The following ZNF521 variants were observed in gnomAD, a reference collection of about 807,000 sequenced individuals.
ZNF521 encodes zinc finger protein 521.
In ZNF521, 14 loss-of-function variants were observed where a neutral mutation model predicts 105.5. The ratio of observed to expected loss-of-function variants is 0.13; its 90% confidence interval spans 0.09 to 0.21. The LOEUF (loss-of-function observed/expected upper bound fraction) is 0.21. Among genes scored for constraint, ZNF521 ranks in the 10% least tolerant of loss-of-function variants. The pLI, the probability that ZNF521 is intolerant of heterozygous loss-of-function variation, is 1.00. For missense variants in ZNF521, 1,233 were observed against 1,629.7 expected (o/e 0.76, Z 4.19); for synonymous variants, 635 against 606.0 (o/e 1.05, Z -0.70).
chr18:25,138,717 C>T (rs2034783724), intron 5 of ZNF521, among the ~76,000 whole-genome samples: 1 of 152,170 alleles, frequency 6.6e-6, no homozygotes, highest in Admixed American at 6.6e-5. Context: ...GCCTTAAAGA[C>T]CATTTCATTC....
chr18:25,343,546 A>C (rs1341093505), intron 2 of ZNF521, among the ~76,000 whole-genome samples: 1 of 152,242 alleles, frequency 6.6e-6, no homozygotes, highest in African/African-American at 2.4e-5. Context: ...TATAAATCCA[A>C]CAAACTGCAC....
rs115526711 is a variant in ZNF521 at position 25,225,095 on chromosome 18, G to A, written c.2823C>T (p.Ser941=). 28 of 1,614,116 alleles carry A rather than the reference G, an allele frequency of 1.7e-5. No homozygotes were observed. In the East Asian group the frequency reaches 1.8e-4, roughly 10 times the overall value. The change falls in exon 4 of 8, where the codon TCC becomes TCT. Residue 941 remains serine, a synonymous_variant. Transcript: ENST00000361524. This position sits in a 1 kb window ranked among gnomAD's most constrained non-coding sequence, Gnocchi z 5.6. ...GCATATGTTCCCGGAGGCCATTTTC[G>A]GAGAAGAAGGTTCGAGAGCACACGT... The part of the protein sequence containing the change: ...KCNVCSRTFF[S]ENGLREHMQT...
intron 3 of ZNF521, among the ~76,000 whole-genome samples, chr18:25,254,410 A>G (rs1317367658): frequency 6.6e-6 from 1 of 152,160 alleles, no homozygotes; most frequent in Non-Finnish European, 1.5e-5. Context: ...CATGTCCATC[A>G]GCTACTACCC....
chr18:25,249,999 C>T (rs1411628079), intron 3 of ZNF521, among the ~76,000 whole-genome samples: 2 of 152,092 alleles, frequency 1.3e-5, no homozygotes, highest in Non-Finnish European at 2.9e-5. Flanking sequence ...AGTGCTGTGG[C>T]GCAATCTCGG....
chr18:25,126,472 G>C (rs2034541566), intron 5 of ZNF521, among the ~76,000 whole-genome samples: 1 of 151,938 alleles, frequency 6.6e-6, no homozygotes, highest in Non-Finnish European at 1.5e-5. Context: ...GTTTCAATTA[G>C]TTATACAGAT....
intron 3 of ZNF521, among the ~76,000 whole-genome samples, chr18:25,283,226 T>C (rs1032581497): frequency 1.3e-5 from 2 of 152,200 alleles, no homozygotes; most frequent in African/African-American, 4.8e-5. Context: ...CTTTGAAAAG[T>C]TGCCTCCTTC....
chr18:25,222,866 A>G (rs1396845426), intron 4 of ZNF521, among the ~76,000 whole-genome samples: 2 of 152,194 alleles, frequency 1.3e-5, no homozygotes, highest in Non-Finnish European at 2.9e-5. Flanking sequence ...GAACAAAAAA[A>G]TACCCTTATT....
intron 3 of ZNF521, among the ~76,000 whole-genome samples, chr18:25,252,298 G>C (rs753664202): frequency 6.6e-6 from 1 of 152,102 alleles, no homozygotes; most frequent in Non-Finnish European, 1.5e-5. Context: ...TCTTTAGGGG[G>C]TTTGGGAAAA....
chr18:25,265,529 A>G (rs1909188484), intron 3 of ZNF521, among the ~76,000 whole-genome samples: 1 of 152,184 alleles, frequency 6.6e-6, no homozygotes, highest in South Asian at 2.1e-4. Context: ...GGAGCGCTCT[A>G]CATATCCATC....
chr18:25,328,333 C>T (rs1913351534), intron 2 of ZNF521, among the ~76,000 whole-genome samples: 1 of 150,896 alleles, frequency 6.6e-6, no homozygotes, highest in African/African-American at 2.4e-5. Context: ...GAATTTATTA[C>T]CACTATCTAC....
At chr18:25,319,693 A>G (rs1912834226) in intron 3 of ZNF521, among the ~76,000 whole-genome samples, 1 of 152,188 alleles carries the variant, frequency 6.6e-6, no homozygotes, top group African/African-American at 2.4e-5. Context: ...TATTAACCAT[A>G]TACAAAGAGA....
At chr18:25,253,376 T>C (rs1433941747) in intron 3 of ZNF521, among the ~76,000 whole-genome samples, 1 of 152,084 alleles carries the variant, frequency 6.6e-6, no homozygotes, top group Non-Finnish European at 1.5e-5. Flanking sequence ...ATTACTGATC[T>C]TGAAGGGAAG....
chr18:25,136,144 T>C (rs1040672172), intron 5 of ZNF521, among the ~76,000 whole-genome samples: 1 of 152,200 alleles, frequency 6.6e-6, no homozygotes, highest in Admixed American at 6.5e-5. Flanking sequence ...TCCCAATGTT[T>C]TCTTCTTCTG....
intron 5 of ZNF521, among the ~76,000 whole-genome samples, chr18:25,156,516 T>G (rs2144506307): frequency 6.6e-6 from 1 of 152,314 alleles, no homozygotes; most frequent in African/African-American, 2.4e-5. Context: ...TTAAAAAGTC[T>G]AATGAGCAAA....
intron 5 of ZNF521, among the ~76,000 whole-genome samples, chr18:25,172,011 TC>T (rs2035457036): frequency 6.6e-6 from 1 of 151,466 alleles, no homozygotes; most frequent in South Asian, 2.1e-4. Flanking sequence ...ATGATATGAT[TC>T]CTGCAGTTCT....
chr18:25,330,951 A>G (rs1913532102), intron 2 of ZNF521, among the ~76,000 whole-genome samples: 1 of 152,202 alleles, frequency 6.6e-6, no homozygotes, highest in Admixed American at 6.5e-5. Flanking sequence ...AGAAAAAAGT[A>G]CCCTGCTGAA....
chr18:25,169,234 T>C (rs970188478), intron 5 of ZNF521, among the ~76,000 whole-genome samples: 2 of 152,216 alleles, frequency 1.3e-5, no homozygotes, highest in African/African-American at 4.8e-5. Context: ...TGGACATCTA[T>C]TATTTTCCTA....
intron 3 of ZNF521, among the ~76,000 whole-genome samples, chr18:25,260,416 G>T (rs1908826192): frequency 1.3e-5 from 2 of 151,992 alleles, no homozygotes; most frequent in African/African-American, 4.8e-5. Flanking sequence ...GTATGGGTGG[G>T]GTGGTGGGTC....
intron 5 of ZNF521, among the ~76,000 whole-genome samples, chr18:25,109,389 C>T (rs1393229918): frequency 2.0e-5 from 3 of 152,172 alleles, no homozygotes; most frequent in Non-Finnish European, 4.4e-5. Context: ...CATTGCTTTG[C>T]CACTGTGACT....
Sources: allele counts gnomAD v4.1 joint callset (sites outside exome capture counted in the v4.1 genomes callset), GRCh38; gene constraint gnomAD v4.1.1; non-coding constraint Gnocchi (gnomAD v3.1); transcripts MANE v1.5; gene names NCBI Gene and HGNC (gene_info 2026-07-23, HGNC 2026-07-21).